The following ASCC3 variants were observed in gnomAD, a reference collection of about 807,000 sequenced individuals.
ASCC3 encodes ASC-1 complex subunit P200.
A neutral mutation model predicts 256.3 loss-of-function variants in ASCC3; 158 were observed. The observed-to-expected ratio is 0.62, with a 90% confidence interval of 0.54 to 0.70. The LOEUF is 0.70. Among genes scored for constraint, ASCC3 ranks in the 30% least tolerant of loss-of-function variants. The pLI, the probability that ASCC3 is intolerant of heterozygous loss-of-function variation, is 0.00. For synonymous variants in ASCC3, 948 were observed against 883.4 expected (o/e 1.07, Z -1.30); for missense variants, 2,259 against 2,626.0 (o/e 0.86, Z 3.05).
At chr6:100,511,246 C>T (rs954246868) in intron 40 of ASCC3, among the ~76,000 whole-genome samples, 3 of 152,086 alleles carry the variant, frequency 2.0e-5, no homozygotes, top group Non-Finnish European at 4.4e-5. Context: ...TTGAGACCAG[C>T]CTGGCCAACA....
At chr6:100,718,450 C>T (rs182926688) in intron 11 of ASCC3, among the ~76,000 whole-genome samples, 199 bp from the exon 12 acceptor site, 1 of 151,932 alleles carries the variant, frequency 6.6e-6, no homozygotes, top group South Asian at 2.1e-4. Flanking sequence ...GAATTCCATA[C>T]CCACTATAAT....
At chr6:100,807,723 T>C (rs1770259774) in intron 4 of ASCC3, among the ~76,000 whole-genome samples, 1 of 151,924 alleles carries the variant, frequency 6.6e-6, no homozygotes, top group African/African-American at 2.4e-5. Flanking sequence ...CCGTAAGTAA[T>C]GCAATAAAAA....
rs925001690 is a variant in ASCC3 at position 100,516,190 on chromosome 6, T to A, written c.6065A>T (p.Lys2022Ile). 47 of 1,613,546 alleles carry A rather than the reference T, an allele frequency of 2.9e-5. No homozygotes were observed. Among genetic ancestry groups the A allele is most frequent in the Non-Finnish European group, 3.6e-5 (43 of 1,179,676 alleles). The change falls in exon 39 of 42, where the codon AAA becomes ATA. Residue 2022 changes from lysine to isoleucine, a missense_variant. By Grantham distance (102) the Lys-to-Ile change is moderately radical (BLOSUM62 -3). Coordinates refer to ENST00000369162, the MANE Select transcript of ASCC3 (RefSeq NM_006828.4). ...AAGAGATGGTCTTACCTGTTTCGTT[T>A]TTGCAGCATGTAGCTCACTTTCTAC... ...SMVESELHAA[K>I]TKQAWNFLSH...
chr6:100,574,144 G>A (rs926852838), intron 36 of ASCC3, among the ~76,000 whole-genome samples: 12 of 152,048 alleles, frequency 7.9e-5, no homozygotes, highest in African/African-American at 2.4e-4. Context: ...TAAAAAATAC[G>A]GATCTATCTT....
intron 10 of ASCC3, among the ~76,000 whole-genome samples, chr6:100,740,474 G>A (rs1780382282): frequency 1.3e-5 from 2 of 152,110 alleles, no homozygotes; most frequent in African/African-American, 4.8e-5. Context: ...CTGGGGGCAG[G>A]TCATGAATAT....
At chr6:100,840,323 A>AT (rs1452294851) in intron 4 of ASCC3, among the ~76,000 whole-genome samples, 9 of 152,108 alleles carry the variant, frequency 5.9e-5, no homozygotes, top group African/African-American at 2.2e-4. Context: ...AATATTTAGC[A>AT]TAAGAGTCTT....
chr6:100,718,442 A>G lies in ASCC3; in HGVS notation c.1903-191T>C, dbSNP rs116890238. Among the ~76,000 whole-genome samples the G allele has an allele frequency of 3.1e-3, 466 of 152,128 alleles. 6 individuals are homozygous for G. The East Asian group carries it at 0.032, about 11-fold the overall frequency. On this transcript the variant is annotated intron_variant, in intron 11 of 41. Transcript: ENST00000369162. ...CTTGATTTAACAGATACATAGTAGA[A>G]TTCCATACCCACTATAATTAAAAAT...
chr6:100,719,726 T>C (rs1582752246), intron 11 of ASCC3, among the ~76,000 whole-genome samples: 1 of 151,972 alleles, frequency 6.6e-6, no homozygotes, highest in Non-Finnish European at 1.5e-5. Context: ...GTATTAATTA[T>C]TGACAATTAC....
intron 36 of ASCC3, among the ~76,000 whole-genome samples, chr6:100,568,368 GAAA>G (rs775239213): frequency 7.9e-6 from 1 of 126,396 alleles, no homozygotes. Context: ...ACTCTTGTCT[GAAA>G]AAAAAAAAAA....
intron 37 of ASCC3, among the ~76,000 whole-genome samples, chr6:100,527,269 G>A (rs886471688): frequency 3.9e-5 from 6 of 152,216 alleles, no homozygotes; most frequent in African/African-American, 1.4e-4. Flanking sequence ...ATTAGAAGAA[G>A]CTTTCTGAAG....
At chr6:100,753,112 T>C (rs1465926589) in intron 10 of ASCC3, among the ~76,000 whole-genome samples, 3 of 151,972 alleles carry the variant, frequency 2.0e-5, no homozygotes, top group Admixed American at 1.3e-4. Flanking sequence ...ATCAAAAACT[T>C]TGAAGATCAT....
At chr6:100,587,042 T>C (rs1416533352) in intron 36 of ASCC3, among the ~76,000 whole-genome samples, 3 of 152,178 alleles carry the variant, frequency 2.0e-5, no homozygotes, top group Admixed American at 6.5e-5. Context: ...TATGAGTGAA[T>C]TGTACAAAAA....
intron 30 of ASCC3, among the ~76,000 whole-genome samples, chr6:100,608,073 T>TATATATGTATATATCGATATACACAG (rs1562160770): frequency 9.8e-6 from 1 of 101,560 alleles, no homozygotes; most frequent in Non-Finnish European, 1.9e-5. Flanking sequence ...TATATATACA[T>TATATATGTATATATCGATATACACAG]ATATATGTAT....
At chr6:100,758,106 A>G (rs1781268141) in intron 10 of ASCC3, among the ~76,000 whole-genome samples, 1 of 152,148 alleles carries the variant, frequency 6.6e-6, no homozygotes, top group African/African-American at 2.4e-5. Flanking sequence ...AATACTCAAA[A>G]AGTCCAGGAT....
intron 36 of ASCC3, among the ~76,000 whole-genome samples, chr6:100,573,947 G>A (rs1770728381): frequency 6.6e-6 from 1 of 152,022 alleles, no homozygotes; most frequent in African/African-American, 2.4e-5. Flanking sequence ...CTTGCCCATA[G>A]GATAGGCTGG....
intron 25 of ASCC3, among the ~76,000 whole-genome samples, 158 bp downstream of exon 25, chr6:100,638,443 A>C (rs1774951768): frequency 1.3e-5 from 2 of 152,168 alleles, no homozygotes; most frequent in African/African-American, 4.8e-5. Flanking sequence ...AACTCATGAT[A>C]TCTTCACGGT....
At chr6:100,774,634 G>C (rs953314865) in intron 8 of ASCC3, among the ~76,000 whole-genome samples, 7 of 152,182 alleles carry the variant, frequency 4.6e-5, no homozygotes, top group Admixed American at 4.6e-4. Context: ...CAGAGTGCTG[G>C]GATTACAGGC....
At chr6:100,827,474 C>G (rs1562326069) in intron 4 of ASCC3, among the ~76,000 whole-genome samples, 1 of 152,140 alleles carries the variant, frequency 6.6e-6, no homozygotes, top group Non-Finnish European at 1.5e-5. Context: ...CAACAATTTT[C>G]ATTTAAGGTT....
chr6:100,720,803 A>G (rs12189562), intron 11 of ASCC3, among the ~76,000 whole-genome samples: 71,957 of 148,474 alleles, frequency 0.48, 17,743 homozygotes, highest in South Asian at 0.62. Context: ...TGAAGATGAA[A>G]TTATTATACA....
Sources: gnomAD v4.1 joint callset for allele counts (sites outside exome capture counted in the v4.1 genomes callset) on GRCh38, gnomAD v4.1.1 for gene constraint, MANE v1.5 for transcripts, NCBI Gene and HGNC (gene_info 2026-07-23, HGNC 2026-07-21) for gene names.